SCFD2: variants seen among roughly 807,000 people sequenced by gnomAD.
The protein encoded by SCFD2 is sec1 family domain containing 2, also known as sec1 family domain-containing protein 2.
Under a neutral mutation model 58.9 loss-of-function variants are expected in SCFD2, and 54 were observed. The observed-to-expected ratio is 0.92, with a 90% CI of 0.74 to 1.15. The LOEUF (loss-of-function observed/expected upper bound fraction) is 1.15, where lower values mean the gene tolerates loss of function less well. SCFD2 is among the 50% of genes most tolerant of loss of function. The pLI, the probability that SCFD2 is intolerant of heterozygous loss-of-function variation, is 0.00. For synonymous variants in SCFD2, 321 were observed against 335.9 expected (o/e 0.96, Z 0.49); for missense variants, 805 against 836.6 (o/e 0.96, Z 0.47).
Position 53,365,370 on chromosome 4 carries a change from C to A in SCFD2, c.572G>T (p.Arg191Leu). 6.2e-7 allele frequency: 1 copy of A among 1,614,106 alleles called. No homozygotes were observed. Among genetic ancestry groups the A allele is most frequent in the African/African-American group, 1.3e-5 (1 of 75,028 alleles). ...GCTTCCCAGCTTCCTCTTGTCCGGT[C>A]GGGCGCTATTAAGGAGGTGCACATC... ...PQDVHLLNSARPDKRKLGSLG... is the reference protein window; with the variant it reads ...PQDVHLLNSALPDKRKLGSLG... The change falls in exon 1 of 9, where the codon CGA (arginine) becomes CTA (leucine). Residue 191 changes from arginine to leucine, a missense_variant. Transcript: ENST00000401642. The surrounding 1 kb of genome is among the most constrained non-coding windows in gnomAD (Gnocchi z 4.3).
In SCFD2 at chr4:53,130,806, T is replaced by C. The variant is rs1035772562; in HGVS notation, c.1561+14527A>G. On this transcript the variant is annotated intron_variant, in intron 5 of 8. Transcript: ENST00000401642. ...AGGGGTTATACAGAGGCAGTTGTGATAGGAAAGGATGAGGTCGATAACTAA... is the reference window on the plus strand; with the variant it reads ...AGGGGTTATACAGAGGCAGTTGTGACAGGAAAGGATGAGGTCGATAACTAA... 2.0e-5 allele frequency among the ~76,000 whole-genome samples: 3 copies of C among 152,044 alleles called. No homozygotes were observed. In the East Asian group the frequency reaches 5.8e-4, roughly 29 times the overall value.
intron 4 of SCFD2, among the ~76,000 whole-genome samples, chr4:53,215,688 CA>C (rs1456518752): frequency 6.6e-6 from 1 of 152,024 alleles, no homozygotes; most frequent in African/African-American, 2.4e-5. Flanking sequence ...CTATGTAAAA[CA>C]GGAGTGGTGA....
At chr4:53,047,576 A>T (rs1176744933) in intron 5 of SCFD2, among the ~76,000 whole-genome samples, 2 of 152,240 alleles carry the variant, frequency 1.3e-5, no homozygotes, top group Non-Finnish European at 2.9e-5. Flanking sequence ...TACCACGCAC[A>T]CTAATGCACA....
chr4:53,159,936 T>C (rs1186323848), intron 4 of SCFD2, among the ~76,000 whole-genome samples: 1 of 152,194 alleles, frequency 6.6e-6, no homozygotes, highest in Non-Finnish European at 1.5e-5. Context: ...TTAAGAGATA[T>C]GCACAAAAAA....
intron 3 of SCFD2, among the ~76,000 whole-genome samples, chr4:53,287,219 T>C (rs1731697311): frequency 6.6e-6 from 1 of 152,090 alleles, no homozygotes; most frequent in Non-Finnish European, 1.5e-5. Context: ...GTCACAGTAG[T>C]TCAGCAAAAC....
At chr4:52,946,595 A>C (rs1472356272) in intron 5 of SCFD2, among the ~76,000 whole-genome samples, 1 of 152,212 alleles carries the variant, frequency 6.6e-6, no homozygotes, top group Non-Finnish European at 1.5e-5. Context: ...AGGGTCATAA[A>C]CAATCACTAT....
At chr4:53,232,797 G>C (rs1019253185) in intron 4 of SCFD2, among the ~76,000 whole-genome samples, 7 of 152,104 alleles carry the variant, frequency 4.6e-5, no homozygotes, top group South Asian at 2.1e-4. Flanking sequence ...AAAAAAACCA[G>C]ACAGACTTAA....
intron 4 of SCFD2, among the ~76,000 whole-genome samples, chr4:53,199,480 G>A (rs1318055472): frequency 6.6e-6 from 1 of 152,074 alleles, no homozygotes; most frequent in Non-Finnish European, 1.5e-5. Context: ...AGTGATAAGA[G>A]TATCATTGTT....
At chr4:53,212,575 CGTGTGT>C (rs72335886) in intron 4 of SCFD2, among the ~76,000 whole-genome samples, 37,252 of 142,132 alleles carry the variant, frequency 0.26, 5,063 homozygotes, top group Non-Finnish European at 0.31. Context: ...AAAGTGAGCA[CGTGTGT>C]GTGTGTGTGT....
intron 5 of SCFD2, among the ~76,000 whole-genome samples, chr4:52,944,082 T>C (rs1195573940): frequency 6.6e-6 from 1 of 152,226 alleles, no homozygotes; most frequent in Non-Finnish European, 1.5e-5. Context: ...ATGGGCCTTA[T>C]TGAATGATAG....
chr4:53,214,859 C>T (rs1361527518), intron 4 of SCFD2, among the ~76,000 whole-genome samples: 5 of 152,230 alleles, frequency 3.3e-5, no homozygotes, highest in Middle Eastern at 3.4e-3. Flanking sequence ...CCAGTTTCAG[C>T]TCTCTACATA....
intron 4 of SCFD2, among the ~76,000 whole-genome samples, chr4:53,214,011 T>G (rs1728718032): frequency 6.6e-6 from 1 of 152,096 alleles, no homozygotes; most frequent in African/African-American, 2.4e-5. Context: ...CTGCATAGTA[T>G]CCCATGGTGT....
chr4:52,938,230 T>C (rs1465970007), intron 5 of SCFD2, among the ~76,000 whole-genome samples: 1 of 152,232 alleles, frequency 6.6e-6, no homozygotes, highest in Non-Finnish European at 1.5e-5. Context: ...AAGTAGGTAC[T>C]AGCATTATCC....
intron 2 of SCFD2, among the ~76,000 whole-genome samples, chr4:53,350,978 G>A (rs1734202345): frequency 6.6e-6 from 1 of 152,182 alleles, no homozygotes; most frequent in Admixed American, 6.5e-5. Context: ...CCAAAGTGCT[G>A]GGATTACAGG....
At chr4:53,095,568 A>G (rs561212252) in intron 5 of SCFD2, among the ~76,000 whole-genome samples, 19 of 152,264 alleles carry the variant, frequency 1.2e-4, no homozygotes, top group African/African-American at 4.6e-4. Context: ...TTGACATGAT[A>G]GACACTGTGA....
intron 2 of SCFD2, among the ~76,000 whole-genome samples, chr4:53,332,461 G>A (rs1440831038): frequency 6.6e-6 from 1 of 151,958 alleles, no homozygotes; most frequent in Non-Finnish European, 1.5e-5. Flanking sequence ...ATCAATAAAT[G>A]TAATCCAGCA....
chr4:52,881,268 A>G (rs971690932), intron 8 of SCFD2, among the ~76,000 whole-genome samples: 1 of 152,184 alleles, frequency 6.6e-6, no homozygotes, highest in Non-Finnish European at 1.5e-5. Context: ...AATGGATTCT[A>G]TTCATTTCCT....
intron 5 of SCFD2, among the ~76,000 whole-genome samples, chr4:52,985,835 C>T (rs547134583): frequency 6.6e-6 from 1 of 151,660 alleles, no homozygotes; most frequent in African/African-American, 2.4e-5. Flanking sequence ...TTCACCTATT[C>T]TTAGAACAAA....
Position 52,920,716 on chromosome 4 carries a change from T to A in SCFD2, c.1707+9A>T, listed in dbSNP as rs1170088169. ...GATTAGAAGGTTACTTTAAAACGTA[T>A]ATACTTGCCTGGTGGGTATGATTTC... On this transcript the variant is annotated intron_variant, in intron 6 of 8. Coordinates refer to ENST00000401642, the MANE Select transcript of SCFD2 (RefSeq NM_152540.4). 12 of 1,577,100 alleles carry A rather than the reference T, an allele frequency of 7.6e-6. No individual in the cohort carries two copies. The African/African-American group carries it at 8.3e-5, about 11-fold the overall frequency.
Sources: gnomAD v4.1 joint callset for allele counts (sites outside exome capture counted in the v4.1 genomes callset) on GRCh38, gnomAD v4.1.1 for gene constraint, Gnocchi (gnomAD v3.1) non-coding constraint, MANE v1.5 for transcripts, NCBI Gene and HGNC (gene_info 2026-07-23, HGNC 2026-07-21) for gene names.